POC5: variants seen among roughly 807,000 people sequenced by gnomAD.
POC5 encodes POC5 centriolar protein.
A neutral mutation model predicts 62.9 loss-of-function variants in POC5; 48 were observed. That is an observed-to-expected ratio of 0.76 (90% CI 0.61 to 0.97). The LOEUF is 0.97. Among genes scored for constraint, POC5 ranks in the 50% least tolerant of loss-of-function variants. The pLI is 0.00. For missense variants in POC5, 696 were observed against 679.5 expected, an observed-to-expected ratio of 1.02 and a Z score of -0.27; for synonymous variants, 236 against 228.2, an observed-to-expected ratio of 1.03 and a Z score of -0.31.
chr5:75,713,005 C>A, intron 1 of POC5, 54 bp from the exon 2 acceptor site: 1 of 1,282,512 alleles, frequency 7.8e-7, no homozygotes, highest in Non-Finnish European at 1.1e-6. Context: ...AAGATAAAAT[C>A]CTTTCCAGAT....
chr5:75,708,010 A>G, intron 2 of POC5, 135 bp from the exon 3 acceptor site: 1 of 802,710 alleles, frequency 1.2e-6, no homozygotes, highest in Non-Finnish European at 1.9e-6. Flanking sequence ...TTTACCACTT[A>G]TTCCAAGCTT....
chr5:75,690,673 T>C, intron 7 of POC5, 111 bp from the exon 8 acceptor site: 1 of 891,604 alleles, frequency 1.1e-6, no homozygotes. Flanking sequence ...TATTTAATTC[T>C]ATGTAATCAT....
chr5:75,690,052 A>G (rs1349762379), intron 8 of POC5, among the ~76,000 whole-genome samples: 1 of 151,910 alleles, frequency 6.6e-6, no homozygotes, highest in East Asian at 1.9e-4. Flanking sequence ...TACCCAGCTA[A>G]TTTTTTTAGT....
At chr5:75,685,011 G>T (rs1297523007) in intron 10 of POC5, among the ~76,000 whole-genome samples, 196 bp downstream of exon 10, 1 of 152,008 alleles carries the variant, frequency 6.6e-6, no homozygotes, top group Non-Finnish European at 1.5e-5. Flanking sequence ...GGGACTACAG[G>T]CGGCTGCCAC....
chr5:75,701,012 A>T, intron 5 of POC5, among the ~76,000 whole-genome samples: 1 of 125,770 alleles, frequency 8.0e-6, no homozygotes, highest in African/African-American at 2.8e-5. Context: ...AATCAAAACC[A>T]CAATGAGATA....
intron 2 of POC5, among the ~76,000 whole-genome samples, chr5:75,711,091 A>G (rs1054907580): frequency 2.0e-5 from 3 of 152,268 alleles, no homozygotes; most frequent in Non-Finnish European, 2.9e-5. Flanking sequence ...ACTTATTTCA[A>G]GAAAACATTT....
rs1283258141 is a variant in POC5, at chr5:75,674,390, G to T, written c.*45C>A. 2.5e-6 allele frequency: 4 copies of T among 1,583,062 alleles called. No individual in the cohort carries two copies. The highest frequency in any genetic ancestry group is 3.4e-6 in the Non-Finnish European group (4 of 1,162,626). On this transcript the variant is annotated 3_prime_UTR_variant, in exon 12 of 12. Coordinates refer to ENST00000428202, the MANE Select transcript of POC5 (RefSeq NM_001099271.2). Reference sequence around the variant, plus strand: ...AAAACCAAAAGACTTCTAACCCTTGGTAAGACCAGAGGGATTAAAAGACCC... The same window carrying T: ...AAAACCAAAAGACTTCTAACCCTTGTTAAGACCAGAGGGATTAAAAGACCC...
chr5:75,674,913 G>A (rs1417557549), intron 11 of POC5, among the ~76,000 whole-genome samples: 1 of 152,210 alleles, frequency 6.6e-6, no homozygotes, highest in Non-Finnish European at 1.5e-5. Flanking sequence ...AAACTCTGTG[G>A]TGTCTGGAAG....
chr5:75,689,257 T>C, intron 8 of POC5, 92 bp from the exon 9 acceptor site: 1 of 1,387,912 alleles, frequency 7.2e-7, no homozygotes, highest in South Asian at 1.9e-5. Flanking sequence ...ATTATTCTCA[T>C]GTGAAATATT....
chr5:75,705,891 A>G lies in POC5; in HGVS notation c.224-104T>C, dbSNP rs78681244. On this transcript the variant is annotated intron_variant, in intron 3 of 11. Transcript: ENST00000428202. ...TAGCAGTACATAATATTTTAGAACA[A>G]ACAAAATACAACATGCTGGGGATAT... The G allele has an allele frequency of 2.0e-3, 1,261 of 621,134 alleles. 16 individuals are homozygous for G. The African/African-American group carries it at 0.022, about 11-fold the overall frequency. 38.5% of individuals were successfully genotyped at this position (621,134 alleles called of 1,614,324 possible).
In POC5 at chr5:75,674,465, T is replaced by C. The variant is rs1188464095; in HGVS notation, c.1698A>G (p.Thr566=). ...CAACCACTTTTATGGAATGAACACT[T>C]GTGAGAGACTGGGTGTGAGCTGATC... ...GTRSAHTQSL[T]SVHSIKVVD is the part of the protein sequence containing the mutation. Residue 566 remains threonine, a synonymous_variant, in exon 12 of 12, where the codon ACA becomes ACG. Coordinates refer to ENST00000428202, the MANE Select transcript of POC5 (RefSeq NM_001099271.2). The C allele has an allele frequency of 1.2e-6, 2 of 1,613,824 alleles. No individual in the cohort carries two copies. Among genetic ancestry groups the C allele is most frequent in the Non-Finnish European group, 1.7e-6 (2 of 1,179,864 alleles).
At chr5:75,699,418 A>G (rs1465940170) in intron 5 of POC5, among the ~76,000 whole-genome samples, 5 of 152,090 alleles carry the variant, frequency 3.3e-5, no homozygotes, top group East Asian at 3.9e-4. Flanking sequence ...TTCAATATAC[A>G]CAAATCAATA....
Position 75,685,951 on chromosome 5 carries a change from C to T in POC5, c.1130-467G>A, listed in dbSNP as rs548075634. On this transcript the variant is annotated intron_variant, in intron 9 of 11. Transcript: ENST00000428202. ...TATACTCCCTCATTTTCATGTATTG[C>T]GCCTATCCTAACAATTTATTTTTGT... Among the ~76,000 whole-genome samples the T allele has an allele frequency of 2.6e-5, 4 of 152,182 alleles. No individual in the cohort carries two copies. In the East Asian group the frequency reaches 7.7e-4, roughly 29 times the overall value.
At chr5:75,685,515 T>TCG (rs1396301240) in intron 9 of POC5, 31 bp from the exon 10 acceptor site, 2 of 1,581,078 alleles carry the variant, frequency 1.3e-6, no homozygotes, top group South Asian at 2.3e-5. Flanking sequence ...CCATTCAAAT[T>TCG]CTTCCAGGTT....
At chr5:75,709,137 C>T (rs1241626031) in intron 2 of POC5, among the ~76,000 whole-genome samples, 1 of 152,124 alleles carries the variant, frequency 6.6e-6, no homozygotes, top group Non-Finnish European at 1.5e-5. Context: ...GCCTGATTCA[C>T]ATATTTAACA....
chr5:75,682,717 A>C (rs1775915897), intron 10 of POC5, among the ~76,000 whole-genome samples: 1 of 151,934 alleles, frequency 6.6e-6, no homozygotes, highest in South Asian at 2.1e-4. Context: ...GGGTTTCACC[A>C]CATTGGCCAG....
intron 11 of POC5, among the ~76,000 whole-genome samples, chr5:75,676,548 G>A (rs28579121): frequency 0.14 from 10,210 of 73,892 alleles, 369 homozygotes; most frequent in Non-Finnish European, 0.22. Flanking sequence ...GCTAGTACTC[G>A]GGAAAAAAGG....
At position 75,702,767 on chromosome 5, in the gene POC5, GA is replaced by G; in HGVS notation, c.350del (p.Val117AlafsTer10). On this transcript the variant is annotated frameshift_variant, in exon 5 of 12. Transcript: ENST00000428202. LOFTEE classifies it high-confidence loss of function. Reference sequence around the variant, plus strand: ...AAAGATGTGAACTGAAAAAATCCATGACTGGGTGAGAAGGCTTCCTTGGCGA... The same window carrying G: ...AAAGATGTGAACTGAAAAAATCCATGCTGGGTGAGAAGGCTTCCTTGGCGA... ...VLSPRKPSHPVMDFFSSHLLA... is the reference protein window; with the variant it reads ...VLSPRKPSHPXMDFFSSHLLA... The G allele has an allele frequency of 6.3e-7, 1 of 1,593,856 alleles. No homozygotes were observed. Among genetic ancestry groups the G allele is most frequent in the Non-Finnish European group, 8.6e-7 (1 of 1,169,368 alleles).
intron 11 of POC5, among the ~76,000 whole-genome samples, chr5:75,675,443 T>G (rs989356029): frequency 9.9e-5 from 15 of 152,178 alleles, no homozygotes; most frequent in African/African-American, 3.4e-4. Flanking sequence ...TAAAATTACA[T>G]GTATTTGGTC....
Sources: gnomAD v4.1 joint callset for allele counts (sites outside exome capture counted in the v4.1 genomes callset) on GRCh38, gnomAD v4.1.1 for gene constraint, MANE v1.5 for transcripts, NCBI Gene and HGNC (gene_info 2026-07-23, HGNC 2026-07-21) for gene names.